The following SART3 variants were observed in gnomAD, a reference collection of about 807,000 sequenced individuals.
SART3 encodes spliceosome associated factor 3, U4/U6 recycling protein.
A neutral mutation model predicts 122.3 loss-of-function variants in SART3; 44 were observed. The observed-to-expected ratio is 0.36, with a 90% CI of 0.28 to 0.46. The LOEUF (loss-of-function observed/expected upper bound fraction) is 0.46, where lower values mean the gene tolerates loss of function less well. Ranked by LOEUF, SART3 falls within the 20% of genes least tolerant of loss-of-function variation. The probability of loss-of-function intolerance (pLI) is 1.00; values close to 1 mark genes in which losing one functional copy is unlikely to be tolerated. For synonymous variants in SART3, 442 were observed against 454.0 expected, an observed-to-expected ratio of 0.97 and a Z score of 0.34; for missense variants, 1,101 against 1,229.0, an observed-to-expected ratio of 0.90 and a Z score of 1.56.
intron 16 of SART3, 98 bp downstream of exon 16, chr12:108,526,001 A>G: frequency 9.4e-7 from 1 of 1,060,860 alleles, no homozygotes; most frequent in Non-Finnish European, 1.4e-6. Flanking sequence ...ACAGAGCGTA[A>G]AACTTCCATG....
At chr12:108,544,604 T>TC in intron 4 of SART3, 126 bp from the exon 5 acceptor site, 1 of 1,338,082 alleles carries the variant, frequency 7.5e-7, no homozygotes. Flanking sequence ...GTTCTTGCTG[T>TC]CACCCTGGCT....
At position 108,531,267 on chromosome 12, in the gene SART3, A is replaced by G. The variant is rs770294249; in HGVS notation, c.1683T>C (p.Asp561=). 8.7e-6 allele frequency: 14 copies of G among 1,613,512 alleles called. No homozygotes were observed. Among genetic ancestry groups the G allele is most frequent in the Admixed American group, 6.7e-5 (4 of 60,006 alleles). Residue 561 remains aspartate (D), a synonymous_variant, in exon 14 of 19, where the codon GAT becomes GAC. Transcript: ENST00000546815. The part of the protein sequence containing the change: ...TMERTEGSLE[D]WDIAVQKTET... ...CAGTTTTCTGAACAGCTATATCCCA[A>G]TCTTCTAAAGAACCTTGAAAGAAAG...
intron 13 of SART3, chr12:108,531,799 G>C (rs559068541): frequency 6.9e-6 from 2 of 290,402 alleles, no homozygotes; most frequent in African/African-American, 2.2e-5. Context: ...TCCTTTGTTG[G>C]ATAGATGTTG....
intron 6 of SART3, chr12:108,542,774 C>A: frequency 3.5e-6 from 2 of 576,498 alleles, no homozygotes; most frequent in Non-Finnish European, 6.5e-6. Flanking sequence ...GATTACCTCT[C>A]GGGAGAGGGA....
chr12:108,545,469 T>C (rs1873362363), intron 3 of SART3, 146 bp from the exon 4 acceptor site: 10 of 732,070 alleles, frequency 1.4e-5, no homozygotes, highest in Non-Finnish European at 2.1e-5. Context: ...GAGATGACCA[T>C]AAAGGACTAA....
At chr12:108,527,477 C>A (rs1872437281) in intron 15 of SART3, among the ~76,000 whole-genome samples, 1 of 152,218 alleles carries the variant, frequency 6.6e-6, no homozygotes. Context: ...CCCACTAGTG[C>A]CTTCTTTGGC....
chr12:108,538,901 A>C (rs1362760452), intron 7 of SART3, 33 bp downstream of exon 7: 1 of 1,613,832 alleles, frequency 6.2e-7, no homozygotes, highest in South Asian at 1.1e-5. Context: ...CTAAATTGGC[A>C]AAAATAAAAT....
chr12:108,524,671 G>A, intron 17 of SART3, 165 bp from the exon 18 acceptor site: 3 of 665,262 alleles, frequency 4.5e-6, no homozygotes, highest in East Asian at 5.4e-5. Context: ...TCTGTCTACA[G>A]GCTTATTTCC....
intron 15 of SART3, among the ~76,000 whole-genome samples, chr12:108,528,958 C>T (rs1258345099): frequency 2.0e-5 from 3 of 152,114 alleles, no homozygotes; most frequent in Admixed American, 1.3e-4. Context: ...CTGATCTCTA[C>T]TAAAAATACA....
At chr12:108,550,448 T>C (rs999169747) in intron 1 of SART3, among the ~76,000 whole-genome samples, 1 of 152,122 alleles carries the variant, frequency 6.6e-6, no homozygotes, top group Admixed American at 6.5e-5. Flanking sequence ...AAATGGAAGA[T>C]TCCCTCACTT....
intron 13 of SART3, chr12:108,531,579 G>T: frequency 3.0e-6 from 1 of 330,278 alleles, no homozygotes; most frequent in East Asian, 6.8e-5. Flanking sequence ...TAAGACTGAA[G>T]AATTTTAAGA....
chr12:108,553,950 T>A (rs900679843), intron 1 of SART3: 6 of 152,140 alleles, frequency 3.9e-5, no homozygotes, highest in Non-Finnish European at 5.9e-5. Flanking sequence ...TCCAGCTACA[T>A]CTCAAACCAC....
chr12:108,557,901 C>T (rs778459423), intron 1 of SART3, among the ~76,000 whole-genome samples: 2 of 152,170 alleles, frequency 1.3e-5, no homozygotes, highest in Non-Finnish European at 2.9e-5. Context: ...CAGTAGCTTG[C>T]GCCTGTGATC....
At chr12:108,548,312 C>T (rs908173542) in intron 2 of SART3, among the ~76,000 whole-genome samples, 1 of 152,232 alleles carries the variant, frequency 6.6e-6, no homozygotes, top group Admixed American at 6.5e-5. Flanking sequence ...CTAAGGATGA[C>T]AACATGCCAG....
chr12:108,538,864 G>T (rs1427499138), intron 7 of SART3, 70 bp downstream of exon 7: 9 of 1,586,680 alleles, frequency 5.7e-6, no homozygotes, highest in Non-Finnish European at 7.8e-6. Flanking sequence ...ACAAACTCCT[G>T]GCACTCTTAC....
chr12:108,548,055 A>T, intron 2 of SART3, 64 bp from the exon 3 acceptor site: 1 of 1,352,564 alleles, frequency 7.4e-7, no homozygotes, highest in Non-Finnish European at 1.0e-6. Context: ...GGACTTTACC[A>T]AGAGACATCA....
chr12:108,525,559 G>C lies in SART3; in HGVS notation c.2421C>G (p.Gly807=). 6.2e-7 allele frequency: 1 copy of C among 1,614,082 alleles called. No individual in the cohort carries two copies. Among genetic ancestry groups the C allele is most frequent in the Non-Finnish European group, 8.5e-7 (1 of 1,179,910 alleles). ...CCTCTTTAGTACAGGAGAAAGGCAG[G>C]CCTGAGATGAACAGCTTGTGTTTCT... ...SLEKHKLFIS[G]LPFSCTKEEL... The change falls in exon 17 of 19, where the codon GGC becomes GGG. Residue 807 remains glycine (G), a synonymous_variant. Transcript: ENST00000546815.
At position 108,536,716 on chromosome 12, in the gene SART3, A is replaced by G. The variant is rs1014494023; in HGVS notation, c.1379T>C (p.Val460Ala). 8.1e-6 allele frequency: 13 copies of G among 1,613,774 alleles called. No individual in the cohort carries two copies. In the African/African-American group the frequency reaches 1.6e-4, roughly 20 times the overall value. Residue 460 changes from valine (V) to alanine (A), a missense_variant, in exon 10 of 19, where the codon GTG becomes GCG. Coordinates refer to ENST00000546815, the MANE Select transcript of SART3 (RefSeq NM_014706.4). ...GGCTGGGGCATACTTACGCTCTTCC[A>G]CCTCCTGCTTCAGATACTCCAAGGC... Reference protein sequence around the residue: ...TRALEYLKQEVEERFNESGDP... With the variant: ...TRALEYLKQEAEERFNESGDP...
chr12:108,545,760 G>A (rs1283501252), intron 3 of SART3, among the ~76,000 whole-genome samples: 3 of 152,140 alleles, frequency 2.0e-5, no homozygotes, highest in Admixed American at 6.5e-5. Context: ...AAGGTCAGGA[G>A]ATCGAAACCA....
Sources: allele counts gnomAD v4.1 joint callset (sites outside exome capture counted in the v4.1 genomes callset), GRCh38; gene constraint gnomAD v4.1.1; transcripts MANE v1.5; gene names NCBI Gene and HGNC (gene_info 2026-07-23, HGNC 2026-07-21).